The following YWHAE variants were observed in gnomAD, a reference collection of about 807,000 sequenced individuals.
YWHAE encodes the protein 14-3-3 protein epsilon.
Under a neutral mutation model 30.1 loss-of-function variants are expected in YWHAE, and 4 were observed. The observed-to-expected ratio is 0.13, with a 90% CI of 0.07 to 0.30. The LOEUF (loss-of-function observed/expected upper bound fraction) is 0.30. YWHAE is among the 10% of genes least tolerant of loss of function. The pLI is 1.00. For missense variants in YWHAE, 121 were observed against 315.9 expected (o/e 0.38, Z 4.68); for synonymous variants, 118 against 111.8 (o/e 1.06, Z -0.35).
At chr17:1,364,748 G>A in intron 2 of YWHAE, 111 bp downstream of exon 2, 3 of 1,251,310 alleles carry the variant, frequency 2.4e-6, no homozygotes, top group East Asian at 2.3e-5. Context: ...ATAACATACT[G>A]TAATACAAGT....
chr17:1,353,442 AAAAAAAAAG>A (rs2090912146), intron 5 of YWHAE, among the ~76,000 whole-genome samples: 1 of 142,104 alleles, frequency 7.0e-6, no homozygotes. Flanking sequence ...CATCTCAAAA[AAAAAAAAAG>A]AAAAGAAAAG....
chr17:1,375,340 A>G (rs1329020273), intron 1 of YWHAE, among the ~76,000 whole-genome samples: 1 of 152,198 alleles, frequency 6.6e-6, no homozygotes, highest in Non-Finnish European at 1.5e-5. Context: ...GTAGAGGATG[A>G]ACTCCAACCA....
At chr17:1,390,151 T>C (rs1257011419) in intron 1 of YWHAE, among the ~76,000 whole-genome samples, 1 of 152,176 alleles carries the variant, frequency 6.6e-6, no homozygotes, top group African/African-American at 2.4e-5. Context: ...GCCTACATTT[T>C]CATATTACAG....
intron 1 of YWHAE, among the ~76,000 whole-genome samples, chr17:1,376,730 G>A (rs1431543471): frequency 6.6e-6 from 1 of 152,056 alleles, no homozygotes; most frequent in Non-Finnish European, 1.5e-5. Flanking sequence ...TAAACACAAA[G>A]TACAAAATCA....
At chr17:1,358,316 TGCAAGTTCCGCCTCCCA>T (rs2072793427) in intron 4 of YWHAE, among the ~76,000 whole-genome samples, 4 of 152,184 alleles carry the variant, frequency 2.6e-5, no homozygotes, top group Admixed American at 2.6e-4. Context: ...CTTGGCTCAC[TGCAAGTTCCGCCTCCCA>T]GGTTCACGCC....
chr17:1,345,421 G>T lies in YWHAE; in HGVS notation c.*26C>A. On this transcript the variant is annotated 3_prime_UTR_variant, in exon 6 of 6. Coordinates refer to ENST00000264335, the MANE Select transcript of YWHAE (RefSeq NM_006761.5). ...GGATGGGGAGGAGGGGGTGGTCAGA[G>T]ATGGTTTCTCTTGTTGGCTTATGTC... The T allele has an allele frequency of 2.5e-6, 4 of 1,613,502 alleles. No homozygotes were observed. Among genetic ancestry groups the T allele is most frequent in the Non-Finnish European group, 3.4e-6 (4 of 1,179,562 alleles).
intron 2 of YWHAE, among the ~76,000 whole-genome samples, chr17:1,364,366 A>G (rs1271172315): frequency 1.3e-5 from 2 of 152,000 alleles, no homozygotes; most frequent in Non-Finnish European, 2.9e-5. Context: ...AGCTGGGACC[A>G]CAGGCTCCCG....
intron 1 of YWHAE, among the ~76,000 whole-genome samples, chr17:1,398,410 A>G (rs1336430088): frequency 6.7e-6 from 1 of 148,910 alleles, no homozygotes; most frequent in Admixed American, 6.7e-5. Context: ...AGTTCACTAT[A>G]TTTCCTAAAT....
At chr17:1,398,259 C>T (rs984591094) in intron 1 of YWHAE, among the ~76,000 whole-genome samples, 1 of 151,994 alleles carries the variant, frequency 6.6e-6, no homozygotes, top group African/African-American at 2.4e-5. Flanking sequence ...CCAATACAAG[C>T]ACATTCATAT....
chr17:1,364,819 A>C (rs748961483), intron 2 of YWHAE, 40 bp downstream of exon 2: 3 of 1,612,692 alleles, frequency 1.9e-6, no homozygotes, highest in African/African-American at 2.7e-5. Flanking sequence ...CAGGTAACTC[A>C]AACTGTGGAT....
chr17:1,347,970 G>A (rs1030283047), intron 5 of YWHAE: 1 of 1,011,358 alleles, frequency 9.9e-7, no homozygotes, highest in Non-Finnish European at 1.2e-6. Context: ...ACAAAGTAGA[G>A]TTTTTAGGAA....
intron 4 of YWHAE, among the ~76,000 whole-genome samples, chr17:1,356,171 A>AC (rs2072737906): frequency 1.5e-4 from 21 of 143,104 alleles, no homozygotes; most frequent in African/African-American, 5.4e-4. Flanking sequence ...TCCGTCTAAA[A>AC]ACACACACAC....
Position 1,354,964 on chromosome 17 carries a change from GTTTTTTTTTTTTTT to G in YWHAE, c.579-631_579-618del, listed in dbSNP as rs56351171. On this transcript the variant is annotated intron_variant, in intron 4 of 5. Transcript: ENST00000264335. Reference sequence around the variant, plus strand: ...GGCGTGAGCCACCGCGCCCAGCCTAGTTTTTTTTTTTTTTTTTTTTTTTTTTTTTTTTTAAGGGA... The same window carrying G: ...GGCGTGAGCCACCGCGCCCAGCCTAGTTTTTTTTTTTTTTTTTTTAAGGGA... Among the ~76,000 whole-genome samples the G allele has an allele frequency of 9.2e-4, 69 of 74,738 alleles. 2 individuals are homozygous for G. The highest frequency in any genetic ancestry group is 2.1e-3 in the African/African-American group (52 of 25,346). 49.0% of individuals were successfully genotyped at this position (74,738 alleles called of 152,430 possible).
intron 1 of YWHAE, among the ~76,000 whole-genome samples, chr17:1,372,688 C>A (rs2073060042): frequency 6.6e-6 from 1 of 152,172 alleles, no homozygotes; most frequent in South Asian, 2.1e-4. Flanking sequence ...AACAAGAGCT[C>A]ACGCCTGTAA....
intron 4 of YWHAE, 26 bp downstream of exon 4, chr17:1,361,063 GAGC>G: frequency 6.2e-7 from 1 of 1,602,780 alleles, no homozygotes; most frequent in Non-Finnish European, 8.5e-7. Flanking sequence ...CTTTCACGCT[GAGC>G]GCTGCTGTTC....
At chr17:1,399,631 G>T (rs1173599746) in intron 1 of YWHAE, 1 of 257,858 alleles carries the variant, frequency 3.9e-6, no homozygotes, top group Non-Finnish European at 7.6e-6. Flanking sequence ...TCTCTCCCAT[G>T]TGGCGGGTGC....
chr17:1,383,316 C>T (rs1046305132), intron 1 of YWHAE, among the ~76,000 whole-genome samples: 4 of 151,844 alleles, frequency 2.6e-5, no homozygotes, highest in African/African-American at 9.7e-5. Context: ...CGCGATTGCA[C>T]TCCAGCCTGG....
chr17:1,349,660 C>CT, intron 5 of YWHAE, among the ~76,000 whole-genome samples: 1 of 151,438 alleles, frequency 6.6e-6, no homozygotes, highest in African/African-American at 2.4e-5. Flanking sequence ...GTCGCCCAGG[C>CT]TGGAGTGCAG....
chr17:1,372,476 T>C (rs1466394216), intron 1 of YWHAE, among the ~76,000 whole-genome samples: 1 of 152,254 alleles, frequency 6.6e-6, no homozygotes, highest in East Asian at 1.9e-4. Context: ...TTTCAGACCG[T>C]GTCTCGGCTT....
Sources: gnomAD v4.1 joint callset for allele counts (sites outside exome capture counted in the v4.1 genomes callset) on GRCh38, gnomAD v4.1.1 for gene constraint, MANE v1.5 for transcripts, NCBI Gene and HGNC (gene_info 2026-07-23, HGNC 2026-07-21) for gene names.